The following SMC4 variants were observed in gnomAD, a reference collection of about 807,000 sequenced individuals.
SMC4 encodes structural maintenance of chromosomes 4.
SMC4 carries 87 observed loss-of-function variants against 145.6 expected under a neutral mutation model. That is an observed-to-expected ratio of 0.60 (90% CI 0.50 to 0.71). The LOEUF (loss-of-function observed/expected upper bound fraction) is 0.71, where lower values mean the gene tolerates loss of function less well. SMC4 is among the 30% of genes least tolerant of loss of function. The probability of loss-of-function intolerance (pLI) is 0.00; values close to 1 mark genes in which losing one functional copy is unlikely to be tolerated. For synonymous variants in SMC4, 558 were observed against 500.7 expected (o/e 1.11, Z -1.53); for missense variants, 1,447 against 1,537.1 (o/e 0.94, Z 0.98).
chr3:160,431,539 T>A (rs1049159246), intron 20 of SMC4, 104 bp from the exon 21 acceptor site: 81 of 882,198 alleles, frequency 9.2e-5, no homozygotes, highest in African/African-American at 8.4e-4. Context: ...CAGTCACAAC[T>A]CCTGTTGTTT....
At chr3:160,400,294 G>C (rs1280148308) in intron 1 of SMC4, 1 of 152,480 alleles carries the variant, frequency 6.6e-6, no homozygotes, top group African/African-American at 2.4e-5. Context: ...CGTCAACGGC[G>C]CCAGGAGCTA....
chr3:160,419,123 T>C lies in SMC4; in HGVS notation c.1672-235T>C, dbSNP rs189623478. Among the ~76,000 whole-genome samples the C allele has an allele frequency of 7.9e-5, 12 of 152,288 alleles. No individual in the cohort carries two copies. In the East Asian group the frequency reaches 1.9e-3, roughly 24 times the overall value. Reference sequence around the variant, plus strand: ...ATGAACTGTTTGCTCCTGAAAAAAATATTACACCTAATGTTTTCTTTTATT... The same window carrying C: ...ATGAACTGTTTGCTCCTGAAAAAAACATTACACCTAATGTTTTCTTTTATT... On this transcript the variant is annotated intron_variant, in intron 11 of 23. Transcript: ENST00000357388.
chr3:160,412,363 C>T lies in SMC4; in HGVS notation c.890C>T (p.Ala297Val). The T allele has an allele frequency of 6.2e-7, 1 of 1,600,764 alleles. No individual in the cohort carries two copies. Among genetic ancestry groups the T allele is most frequent in the Non-Finnish European group, 8.6e-7 (1 of 1,168,760 alleles). ...AAGATGGTGGAAAAGGAAAAGGATG[C>T]CTTAGAAGGAGAGAAAAACATAGCT... ...RVKMVEKEKD[A>V]LEGEKNIAIE... The change falls in exon 7 of 24, where the codon GCC becomes GTC. Residue 297 changes from alanine (A) to valine (V), a missense_variant. Coordinates refer to ENST00000357388, the MANE Select transcript of SMC4 (RefSeq NM_001002800.3).
rs1376302274 is a variant in SMC4, at chr3:160,417,641, G to A, written c.1438-82G>A. ...CTTATAGAATCTCCTTTCTTAAATC[G>A]AATATAAAATGTATGGTTTCATTTC... On this transcript the variant is annotated intron_variant, in intron 10 of 23. Coordinates refer to ENST00000357388, the MANE Select transcript of SMC4 (RefSeq NM_001002800.3). The A allele has an allele frequency of 2.2e-5, 24 of 1,070,768 alleles. 1 individual carries two copies. In the South Asian group the frequency reaches 2.9e-4, roughly 13 times the overall value. The allele number at this position is 1,070,768 out of a possible 1,614,324, so 66.3% of individuals were successfully genotyped here.
chr3:160,428,738 A>AT lies in SMC4; in HGVS notation c.2606-9dup. ...CATAAAAACACAAATTAGGTTCTTT[A>AT]TTTTTTAATTTCAGAATATGATGCT... On this transcript the variant is annotated splice_polypyrimidine_tract_variant and intron_variant, in intron 17 of 23. Coordinates refer to ENST00000357388, the MANE Select transcript of SMC4 (RefSeq NM_001002800.3). 6.4e-7 allele frequency: 1 copy of AT among 1,559,960 alleles called. No individual in the cohort carries two copies. The highest frequency in any genetic ancestry group is 8.6e-7 in the Non-Finnish European group (1 of 1,165,208).
At chr3:160,402,620 G>GTAT in intron 3 of SMC4, 56 bp from the exon 4 acceptor site, 1 of 1,528,912 alleles carries the variant, frequency 6.5e-7, no homozygotes, top group Non-Finnish European at 8.8e-7. Flanking sequence ...AAAATCAGTA[G>GTAT]TATTAGCATG....
At chr3:160,430,899 G>A in intron 19 of SMC4, 133 bp from the exon 20 acceptor site, 1 of 1,244,870 alleles carries the variant, frequency 8.0e-7, no homozygotes, top group South Asian at 1.6e-5. Flanking sequence ...ACTATAATTT[G>A]TGAATTTAAA....
At chr3:160,426,019 A>T in intron 16 of SMC4, 55 bp from the exon 17 acceptor site, 1 of 1,382,670 alleles carries the variant, frequency 7.2e-7, no homozygotes, top group Non-Finnish European at 9.9e-7. Flanking sequence ...AAAAATTCAC[A>T]ATGTTTAAAG....
At chr3:160,401,387 T>A (rs1352548867) in intron 2 of SMC4, among the ~76,000 whole-genome samples, 3 of 152,244 alleles carry the variant, frequency 2.0e-5, no homozygotes, top group East Asian at 1.9e-4. Flanking sequence ...GGTGTTAGAT[T>A]GCCGTTAAAG....
Position 160,412,430 on chromosome 3 carries a change from G to A in SMC4, c.957G>A (p.Lys319=), listed in dbSNP as rs1308117966. Residue 319 remains lysine, a synonymous_variant, in exon 7 of 24, where the codon AAG becomes AAA. Coordinates refer to ENST00000357388, the MANE Select transcript of SMC4 (RefSeq NM_001002800.3). ...TGGAAAATGAAATATTTAGAAAAAA[G>A]AATCATGTTTGTCAATATTATATGT... ...LTLENEIFRK[K]NHVCQYYIYE... is the part of the protein sequence containing the mutation. 11 of 1,604,048 alleles carry A rather than the reference G, an allele frequency of 6.9e-6. No homozygotes were observed. The highest frequency in any genetic ancestry group is 1.3e-5 in the African/African-American group (1 of 74,526).
chr3:160,400,570 G>C, intron 1 of SMC4: 1 of 446,774 alleles, frequency 2.2e-6, no homozygotes, highest in East Asian at 3.9e-5. Context: ...AACAAACTAA[G>C]CAGTTGCTCA....
Position 160,400,886 on chromosome 3 carries a change from G to A in SMC4, c.60G>A (p.Pro20=). 2.0e-6 allele frequency: 3 copies of A among 1,510,602 alleles called. No homozygotes were observed. The allele number at this position is 1,510,602 out of a possible 1,614,324, so 93.6% of individuals were successfully genotyped here. A position where few individuals can be genotyped will look rare whatever the true frequency, so the allele number is the denominator to read the frequency against. Residue 20 remains proline (P), a synonymous_variant, in exon 2 of 24, where the codon CCG becomes CCA. Coordinates refer to ENST00000357388, the MANE Select transcript of SMC4 (RefSeq NM_001002800.3). ...TARRREEGPP[P]PSPDGASSDA... is the part of the protein sequence containing the mutation. ...GGCGCAGAGAGGAAGGGCCGCCGCCGCCGTCCCCTGACGGCGCCAGCAGCG... is the reference window on the plus strand; with the variant it reads ...GGCGCAGAGAGGAAGGGCCGCCGCCACCGTCCCCTGACGGCGCCAGCAGCG...
At chr3:160,412,597 C>T (rs1294624858) in intron 7 of SMC4, 144 bp downstream of exon 7, 5 of 1,298,056 alleles carry the variant, frequency 3.9e-6, no homozygotes, top group East Asian at 7.1e-5. Flanking sequence ...TGTGTTAGCT[C>T]ATGCCTGTAA....
intron 17 of SMC4, 95 bp from the exon 18 acceptor site, chr3:160,428,658 C>A: frequency 8.7e-7 from 1 of 1,143,408 alleles, no homozygotes; most frequent in Non-Finnish European, 1.2e-6. Flanking sequence ...TTTAATGCAT[C>A]ACGTCAAGTC....
At chr3:160,426,023 T>A in intron 16 of SMC4, 51 bp from the exon 17 acceptor site, 1 of 1,438,168 alleles carries the variant, frequency 7.0e-7, no homozygotes, top group Non-Finnish European at 9.5e-7. Context: ...ATTCACAATG[T>A]TTAAAGCAAA....
chr3:160,433,089 T>C lies in SMC4; in HGVS notation c.3594T>C (p.Leu1198=). ...IFNLSGGEKT[L]SSLALVFALH... Reference sequence around the variant, plus strand: ...ACCTTTCGGGAGGAGAGAAAACACTTAGTTCATTGGCTTTAGTATTTGCTC... The same window carrying C: ...ACCTTTCGGGAGGAGAGAAAACACTCAGTTCATTGGCTTTAGTATTTGCTC... The change falls in exon 23 of 24, where the codon CTT becomes CTC. Residue 1198 remains leucine, a synonymous_variant. Transcript: ENST00000357388. The C allele has an allele frequency of 6.2e-7, 1 of 1,613,556 alleles. No homozygotes were observed. The highest frequency in any genetic ancestry group is 8.5e-7 in the Non-Finnish European group (1 of 1,179,560).
In SMC4 at chr3:160,400,876, GGCC is replaced by G. The variant is rs1429898297; in HGVS notation, c.61_63del (p.Pro21del). ...TCCACTGCCCGGCGCAGAGAGGAAG[GGCC>G]GCCGCCGCCGTCCCCTGACGGCGCC... On this transcript the variant is annotated inframe_deletion, in exon 2 of 24. Transcript: ENST00000357388. 6.6e-6 allele frequency: 10 copies of G among 1,519,432 alleles called. No individual in the cohort carries two copies. The highest frequency in any genetic ancestry group is 3.9e-5 in the Admixed American group (2 of 50,658). The allele number at this position is 1,519,432 out of a possible 1,614,324, so 94.1% of individuals were successfully genotyped here.
chr3:160,425,350 CTG>C (rs1311887147), intron 16 of SMC4, among the ~76,000 whole-genome samples: 1 of 152,068 alleles, frequency 6.6e-6, no homozygotes, highest in Admixed American at 6.5e-5. Flanking sequence ...TGCACGCCCA[CTG>C]TTTTTTTAAT....
At chr3:160,419,582 T>C in intron 12 of SMC4, 39 bp downstream of exon 12, 1 of 1,552,402 alleles carries the variant, frequency 6.4e-7, no homozygotes, top group South Asian at 1.2e-5. Context: ...TTACTTTTTT[T>C]TTTTAAGAAA....
Sources: gnomAD v4.1 joint callset for allele counts (sites outside exome capture counted in the v4.1 genomes callset) on GRCh38, gnomAD v4.1.1 for gene constraint, MANE v1.5 for transcripts, NCBI Gene and HGNC (gene_info 2026-07-23, HGNC 2026-07-21) for gene names.